The following NPAP1 variants were observed in gnomAD, a reference collection of about 807,000 sequenced individuals.
NPAP1 encodes nuclear pore-associated protein 1.
For synonymous variants in NPAP1, 616 were observed against 581.4 expected, an observed-to-expected ratio of 1.06 and a Z score of -0.86; for missense variants, 1,483 against 1,454.5, an observed-to-expected ratio of 1.02 and a Z score of -0.32.
Position 24,677,081 on chromosome 15 carries a change from T to G in NPAP1, c.1214T>G (p.Val405Gly), listed in dbSNP as rs2141309532. Residue 405 changes from valine to glycine, a missense_variant, in exon 1 of 1, where the codon GTG (valine) becomes GGG (glycine). Coordinates refer to ENST00000329468, the MANE Select transcript of NPAP1 (RefSeq NM_018958.3). ...TQPAPSFSQP[V>G]QTTDSLPLTT... ...CCTGCCCCTTCTTTCTCCCAACCTG[T>G]GCAGACCACAGACTCCCTGCCCCTG... 6.2e-7 allele frequency: 1 copy of G among 1,614,068 alleles called. No individual in the cohort carries two copies. Among genetic ancestry groups the G allele is most frequent in the South Asian group, 1.1e-5 (1 of 91,078 alleles).
chr15:24,676,067 C>G lies in NPAP1; in HGVS notation c.200C>G (p.Ala67Gly), dbSNP rs1302383270. 3.2e-6 allele frequency: 5 copies of G among 1,576,762 alleles called. No individual in the cohort carries two copies. Among genetic ancestry groups the G allele is most frequent in the African/African-American group, 1.4e-5 (1 of 73,024 alleles). Residue 67 changes from alanine to glycine, a missense_variant, in exon 1 of 1, where the codon GCC becomes GGC. Ala to Gly is a moderately conservative substitution (Grantham distance 60, BLOSUM62 0). Transcript: ENST00000329468. ...RRPSAASIFV[A>G]PKRPCPLPRA... ...CCTTCAGCAGCCAGCATCTTCGTCG[C>G]CCCTAAGAGGCCGTGTCCTCTCCCT...
In NPAP1 at chr15:24,677,120, C is replaced by G. The variant is rs79793925; in HGVS notation, c.1253C>G (p.Ser418Cys). The G allele has an allele frequency of 1.6e-5, 26 of 1,614,020 alleles. No individual in the cohort carries two copies. In the African/African-American group the frequency reaches 1.9e-4, roughly 12 times the overall value. The change falls in exon 1 of 1, where the codon TCC becomes TGC. Residue 418 changes from serine (S) to cysteine (C), a missense_variant. Coordinates refer to ENST00000329468, the MANE Select transcript of NPAP1 (RefSeq NM_018958.3). ...TCCCTGCCCCTGACCACTTACACTT[C>G]CCAGGTCTCAGCTCCTTTGCCCATC... is the stretch of plus-strand genomic sequence containing the variant. ...TDSLPLTTYT[S>C]QVSAPLPIPD...
chr15:24,678,725 C>A lies in NPAP1; in HGVS notation c.2858C>A (p.Thr953Asn). 2 of 1,614,204 alleles carry A rather than the reference C, an allele frequency of 1.2e-6. No individual in the cohort carries two copies. The highest frequency in any genetic ancestry group is 2.2e-5 in the South Asian group (2 of 91,084). Residue 953 changes from threonine to asparagine, a missense_variant, in exon 1 of 1, where the codon ACT becomes AAT. Thr to Asn is a moderately conservative substitution (Grantham distance 65). Transcript: ENST00000329468. Reference protein sequence around the residue: ...PGFAELTSPYTALGTPVNAEP... With the variant: ...PGFAELTSPYNALGTPVNAEP... ...TTTGCAGAGTTAACATCACCATATA[C>A]TGCATTGGGCACACCTGTTAATGCT... is the stretch of plus-strand genomic sequence containing the variant.
chr15:24,678,857 T>C lies in NPAP1; in HGVS notation c.2990T>C (p.Leu997Pro), dbSNP rs1323640792. ...CCTGGCACTGGAGACAGTACCTTAC[T>C]GGTTGGAAATACTATTCCAGGCCCA... is the stretch of plus-strand genomic sequence containing the variant. ...GMPGTGDSTL[L>P]VGNTIPGPQV... The change falls in exon 1 of 1, where the codon CTG becomes CCG. Residue 997 changes from leucine to proline, a missense_variant. Physicochemically the swap from Leu to Pro is moderately conservative, Grantham distance 98. Transcript: ENST00000329468. The C allele has an allele frequency of 1.2e-6, 2 of 1,614,218 alleles. No homozygotes were observed. The highest frequency in any genetic ancestry group is 1.7e-6 in the Non-Finnish European group (2 of 1,180,030).
At position 24,676,860 on chromosome 15, in the gene NPAP1, G is replaced by C. The variant is rs1205066447; in HGVS notation, c.993G>C (p.Ser331=). The change falls in exon 1 of 1, where the codon TCG becomes TCC. Residue 331 remains serine, a synonymous_variant. Transcript: ENST00000329468. ...ARNRPCKRKM[S]IPLLLPLPPS... ...ACAGGCCCTGCAAAAGGAAAATGTC[G>C]ATTCCATTGCTGCTGCCGCTGCCCC... The C allele has an allele frequency of 6.2e-7, 1 of 1,613,184 alleles. No homozygotes were observed. Among genetic ancestry groups the C allele is most frequent in the South Asian group, 1.1e-5 (1 of 91,084 alleles).
rs75750655 is a variant in NPAP1 at position 24,680,996 on chromosome 15, G to C, written c.*1658G>C. On this transcript the variant is annotated 3_prime_UTR_variant, in exon 1 of 1. Transcript: ENST00000329468. ...TTTAAACGAAGCCTAGAGAGAAGCA[G>C]TTGAGCCAGATATATGAGCAAAGAC... is the stretch of plus-strand genomic sequence containing the variant. 1 of 167,058 alleles carries C rather than the reference G, an allele frequency of 6.0e-6. No homozygotes were observed. The allele number at this position is 167,058 out of a possible 1,614,324, so 10.3% of individuals were successfully genotyped here.
At position 24,676,889 on chromosome 15, in the gene NPAP1, C is replaced by T. The variant is rs1222255798; in HGVS notation, c.1022C>T (p.Ser341Leu). The T allele has an allele frequency of 1.2e-6, 2 of 1,613,536 alleles. No individual in the cohort carries two copies. Among genetic ancestry groups the T allele is most frequent in the Non-Finnish European group, 1.7e-6 (2 of 1,180,044 alleles). Reference protein sequence around the residue: ...SIPLLLPLPPSLPLLWDRGEL... With the variant: ...SIPLLLPLPPLLPLLWDRGEL... The stretch of plus-strand genomic sequence containing the variant: ...CCATTGCTGCTGCCGCTGCCCCCTT[C>T]ACTGCCATTGCTGTGGGATCGAGGT... Residue 341 changes from serine (S) to leucine (L), a missense_variant, in exon 1 of 1, where the codon TCA (serine) becomes TTA (leucine). Ser to Leu is a moderately radical substitution (Grantham distance 145, BLOSUM62 -2). Transcript: ENST00000329468.
rs2048983710 is a variant in NPAP1, at chr15:24,677,351, C to T, written c.1484C>T (p.Ser495Phe). Residue 495 changes from serine to phenylalanine, a missense_variant, in exon 1 of 1, where the codon TCT (serine) becomes TTT (phenylalanine). Coordinates refer to ENST00000329468, the MANE Select transcript of NPAP1 (RefSeq NM_018958.3). ...GTCGTAGGAGCAGCGCCTCTCACTT[C>T]TGACCCCCCAACACCTCCTAGCTCC... ...NSVVGAAPLT[S>F]DPPTPPSSTP... is the part of the protein sequence containing the mutation. 7 of 1,613,868 alleles carry T rather than the reference C, an allele frequency of 4.3e-6. No individual in the cohort carries two copies. The highest frequency in any genetic ancestry group is 5.9e-6 in the Non-Finnish European group (7 of 1,179,966).
Position 24,676,500 on chromosome 15 carries a change from T to A in NPAP1, c.633T>A (p.Asn211Lys), listed in dbSNP as rs771528924. 1 of 1,614,050 alleles carries A rather than the reference T, an allele frequency of 6.2e-7. No homozygotes were observed. The highest frequency in any genetic ancestry group is 8.5e-7 in the Non-Finnish European group (1 of 1,180,014). ...FRCSPGPLEG[N>K]VYHKFSENSM... ...GCAGCCCTGGGCCTCTGGAGGGAAA[T>A]GTCTACCACAAGTTCTCAGAAAACA... Residue 211 changes from asparagine (N) to lysine (K), a missense_variant, in exon 1 of 1, where the codon AAT becomes AAA. Transcript: ENST00000329468.
In NPAP1 at chr15:24,678,896, G is replaced by A. The variant is rs2048998020; in HGVS notation, c.3029G>A (p.Gly1010Glu). The A allele has an allele frequency of 3.1e-6, 5 of 1,614,126 alleles. 1 individual carries two copies. The highest frequency in any genetic ancestry group is 1.6e-4 in the Middle Eastern group (1 of 6,062). Residue 1010 changes from glycine (G) to glutamate (E), a missense_variant, in exon 1 of 1, where the codon GGA (glycine) becomes GAA (glutamate). Coordinates refer to ENST00000329468, the MANE Select transcript of NPAP1 (RefSeq NM_018958.3). ...NTIPGPQVIM[G>E]PGTPMDGGSI... is the part of the protein sequence containing the mutation. ...ATTCCAGGCCCACAAGTGATTATGGGACCTGGAACCCCTATGGATGGTGGG... is the reference window on the plus strand; with the variant it reads ...ATTCCAGGCCCACAAGTGATTATGGAACCTGGAACCCCTATGGATGGTGGG...
Position 24,676,471 on chromosome 15 carries a change from A to G in NPAP1, c.604A>G (p.Arg202Gly), listed in dbSNP as rs1249523419. The change falls in exon 1 of 1, where the codon AGA (arginine) becomes GGA (glycine). Residue 202 changes from arginine (R) to glycine (G), a missense_variant. Arg to Gly is a moderately radical substitution (Grantham distance 125). Transcript: ENST00000329468. ...CACCCAGGGAGACGTGGCCTCCTTC[A>G]GATGCAGCCCTGGGCCTCTGGAGGG... is the stretch of plus-strand genomic sequence containing the variant. The part of the protein sequence containing the change: ...QGTQGDVASF[R>G]CSPGPLEGNV... The G allele has an allele frequency of 4.3e-6, 7 of 1,614,046 alleles. No individual in the cohort carries two copies. The East Asian group carries it at 8.9e-5, about 21-fold the overall frequency.
Position 24,676,238 on chromosome 15 carries a change from C to T in NPAP1, c.371C>T (p.Thr124Ile). The change falls in exon 1 of 1, where the codon ACT becomes ATT. Residue 124 changes from threonine (T) to isoleucine (I), a missense_variant. By Grantham distance (89) the Thr-to-Ile change is moderately conservative. Transcript: ENST00000329468. ...VRIPPPSRMF[T>I]LLLPSPREPA... ...ATCCCTCCTCCCAGCCGCATGTTCA[C>T]TCTCCTGCTGCCTTCACCACGTGAG... 3.3e-6 allele frequency: 5 copies of T among 1,522,824 alleles called. No homozygotes were observed. The highest frequency in any genetic ancestry group is 3.5e-6 in the Non-Finnish European group (4 of 1,137,506). 94.3% of individuals were successfully genotyped at this position (1,522,824 alleles called of 1,614,324 possible).
rs1002823702 is a variant in NPAP1 at position 24,676,871 on chromosome 15, T to C, written c.1004T>C (p.Leu335Pro). 1.2e-6 allele frequency: 2 copies of C among 1,613,300 alleles called. No individual in the cohort carries two copies. The highest frequency in any genetic ancestry group is 1.3e-5 in the African/African-American group (1 of 74,910). Residue 335 changes from leucine to proline, a missense_variant, in exon 1 of 1, where the codon CTG becomes CCG. By Grantham distance (98) the Leu-to-Pro change is moderately conservative. Coordinates refer to ENST00000329468, the MANE Select transcript of NPAP1 (RefSeq NM_018958.3). ...PCKRKMSIPL[L>P]LPLPPSLPLL... ...AAAAGGAAAATGTCGATTCCATTGC[T>C]GCTGCCGCTGCCCCCTTCACTGCCA...
In NPAP1 at chr15:24,680,045, G is replaced by A. The variant is rs2049007348; in HGVS notation, c.*707G>A. The stretch of plus-strand genomic sequence containing the variant: ...TGAGACGGAGCCTTAGCCCAGGCTG[G>A]AGTGTAGTAGCACAATCTCGGCTCA... On this transcript the variant is annotated 3_prime_UTR_variant, in exon 1 of 1. Coordinates refer to ENST00000329468, the MANE Select transcript of NPAP1 (RefSeq NM_018958.3). 5.5e-6 allele frequency: 1 copy of A among 183,032 alleles called. No individual in the cohort carries two copies. Among genetic ancestry groups the A allele is most frequent in the South Asian group, 1.6e-4 (1 of 6,238 alleles). The allele number at this position is 183,032 out of a possible 1,614,324, so 11.3% of individuals were successfully genotyped here.
rs950428055 is a variant in NPAP1 at position 24,679,087 on chromosome 15, A to G, written c.3220A>G (p.Ser1074Gly). Residue 1074 changes from serine (S) to glycine (G), a missense_variant, in exon 1 of 1, where the codon AGC (serine) becomes GGC (glycine). Ser to Gly is a moderately conservative substitution (Grantham distance 56). Transcript: ENST00000329468. ...CATGGCTGCTGCACCACAAGGGGCT[A>G]GCAACATTCCTGTATTTGGATATAC... ...HSMAAAPQGA[S>G]NIPVFGYTSA... The G allele has an allele frequency of 1.2e-6, 2 of 1,614,210 alleles. No homozygotes were observed. Among genetic ancestry groups the G allele is most frequent in the Non-Finnish European group, 1.7e-6 (2 of 1,180,040 alleles).
In NPAP1 at chr15:24,682,350, AT is replaced by A. The variant is rs1260029148; in HGVS notation, c.*3018del. On this transcript the variant is annotated 3_prime_UTR_variant, in exon 1 of 1. Coordinates refer to ENST00000329468, the MANE Select transcript of NPAP1 (RefSeq NM_018958.3). ...ACCCTTGCAGTATTACCAGGGACAA[AT>A]TTTTTAAAATTCATACTTCTTGACA... The A allele has an allele frequency of 1.2e-5, 2 of 166,886 alleles. No individual in the cohort carries two copies. The highest frequency in any genetic ancestry group is 4.8e-5 in the African/African-American group (2 of 41,420). 10.3% of individuals were successfully genotyped at this position (166,886 alleles called of 1,614,324 possible).
chr15:24,679,370 T>A lies in NPAP1; in HGVS notation c.*32T>A. ...CTGTGGTTCACCTGATCACACCACA[T>A]CAGTTGTGGTTGTAAATACCAGCAT... On this transcript the variant is annotated 3_prime_UTR_variant, in exon 1 of 1. Transcript: ENST00000329468. 3.5e-6 allele frequency: 5 copies of A among 1,431,644 alleles called. No individual in the cohort carries two copies. The highest frequency in any genetic ancestry group is 4.9e-6 in the Non-Finnish European group (5 of 1,025,306). 88.7% of individuals were successfully genotyped at this position (1,431,644 alleles called of 1,614,324 possible). A position where few individuals can be genotyped will look rare whatever the true frequency, so the allele number is the denominator to read the frequency against.
At position 24,680,028 on chromosome 15, in the gene NPAP1, A is replaced by G; in HGVS notation, c.*690A>G. ...GTTTGTTTGTTTGTTTTTGAGACGGAGCCTTAGCCCAGGCTGGAGTGTAGT... is the reference window on the plus strand; with the variant it reads ...GTTTGTTTGTTTGTTTTTGAGACGGGGCCTTAGCCCAGGCTGGAGTGTAGT... On this transcript the variant is annotated 3_prime_UTR_variant, in exon 1 of 1. Coordinates refer to ENST00000329468, the MANE Select transcript of NPAP1 (RefSeq NM_018958.3). 5.2e-6 allele frequency: 1 copy of G among 191,638 alleles called. No individual in the cohort carries two copies. Among genetic ancestry groups the G allele is most frequent in the Non-Finnish European group, 1.2e-5 (1 of 84,770 alleles). 11.9% of individuals were successfully genotyped at this position (191,638 alleles called of 1,614,324 possible). A position where few individuals can be genotyped will look rare whatever the true frequency, so the allele number is the denominator to read the frequency against.
Position 24,678,635 on chromosome 15 carries a change from C to A in NPAP1, c.2768C>A (p.Ala923Glu), listed in dbSNP as rs747393900. The A allele has an allele frequency of 1.2e-6, 2 of 1,614,064 alleles. No homozygotes were observed. The highest frequency in any genetic ancestry group is 2.2e-5 in the South Asian group (2 of 91,082). The change falls in exon 1 of 1, where the codon GCA becomes GAA. Residue 923 changes from alanine to glutamate, a missense_variant. By Grantham distance (107) the Ala-to-Glu change is moderately radical. Transcript: ENST00000329468. ...ATTCTGGGGAATCCAGCAACCCCAG[C>A]ACCAGTTATAGGCTTAACATCTCCT... ...SFILGNPATP[A>E]PVIGLTSPSV...
Sources: allele counts gnomAD v4.1 joint callset, GRCh38; gene constraint gnomAD v4.1.1; transcripts MANE v1.5; gene names NCBI Gene and HGNC (gene_info 2026-07-23, HGNC 2026-07-21).